DEFA4: variants seen among roughly 807,000 people sequenced by gnomAD.
DEFA4 encodes the protein defensin alpha 4, also known as corticostatin.
DEFA4 carries 8 observed loss-of-function variants against 4.4 expected under a neutral mutation model. The observed-to-expected ratio is 1.82, with a 90% confidence interval of 1.07 to 3.29. The LOEUF (loss-of-function observed/expected upper bound fraction) is 3.29, where lower values mean the gene tolerates loss of function less well. Ranked by LOEUF, DEFA4 falls within the 30% of genes most tolerant of loss-of-function variation. DEFA4 has a pLI of 0.00. For missense variants in DEFA4, 216 were observed against 127.0 expected, an observed-to-expected ratio of 1.70 and a Z score of -3.37; for synonymous variants, 77 against 46.5, an observed-to-expected ratio of 1.66 and a Z score of -2.67.
intron 1 of DEFA4, among the ~76,000 whole-genome samples, chr8:6,937,436 C>G (rs973864584): frequency 6.6e-6 from 1 of 152,008 alleles, no homozygotes; most frequent in Admixed American, 6.6e-5. Context: ...TGAGTAGTCT[C>G]CTGTAGGGGC....
At chr8:6,936,399 C>A (rs543812629) in intron 2 of DEFA4, among the ~76,000 whole-genome samples, 1 of 152,190 alleles carries the variant, frequency 6.6e-6, no homozygotes, top group East Asian at 1.9e-4. Context: ...TTAAGCCCAT[C>A]TCCAGTTTTT....
rs781063548 is a variant in DEFA4, at chr8:6,936,932, G to C, written c.-12-21C>G. ...GTGACCTGGAGGAGGGAGAGCAGGAGCAGCTGTGTGGGGAGGGAGAAGCCA... is the reference window on the plus strand; with the variant it reads ...GTGACCTGGAGGAGGGAGAGCAGGACCAGCTGTGTGGGGAGGGAGAAGCCA... On this transcript the variant is annotated intron_variant, in intron 1 of 2. Coordinates refer to ENST00000297435, the MANE Select transcript of DEFA4 (RefSeq NM_001925.3). The C allele has an allele frequency of 9.1e-6, 14 of 1,534,434 alleles. No homozygotes were observed. The East Asian group carries it at 3.1e-4, about 34-fold the overall frequency.
chr8:6,936,017 A>C lies in DEFA4; in HGVS notation c.*3T>G. 6.2e-7 allele frequency: 1 copy of C among 1,613,822 alleles called. No homozygotes were observed. Among genetic ancestry groups the C allele is most frequent in the Non-Finnish European group, 8.5e-7 (1 of 1,179,836 alleles). ...GCATGACATTCTCTTGGACAGCAGAACGTTAATCGACACGCGTGCAGCAGT... is the reference window on the plus strand; with the variant it reads ...GCATGACATTCTCTTGGACAGCAGACCGTTAATCGACACGCGTGCAGCAGT... On this transcript the variant is annotated 3_prime_UTR_variant, in exon 3 of 3. Transcript: ENST00000297435.
At position 6,936,922 on chromosome 8, in the gene DEFA4, G is replaced by A. The variant is rs778008523; in HGVS notation, c.-12-11C>T. The stretch of plus-strand genomic sequence containing the variant: ...CATGGCTGGGGTGACCTGGAGGAGG[G>A]AGAGCAGGAGCAGCTGTGTGGGGAG... On this transcript the variant is annotated splice_polypyrimidine_tract_variant and intron_variant, in intron 1 of 2. Transcript: ENST00000297435. 1.3e-5 allele frequency: 20 copies of A among 1,558,858 alleles called. No homozygotes were observed. The highest frequency in any genetic ancestry group is 1.8e-5 in the Admixed American group (1 of 54,680).
At chr8:6,936,965 T>C in intron 1 of DEFA4, 54 bp from the exon 2 acceptor site, 1 of 1,394,566 alleles carries the variant, frequency 7.2e-7, no homozygotes, top group Non-Finnish European at 9.5e-7. Context: ...CCAGCTTGGA[T>C]TTATAGCTTT....
chr8:6,936,264 C>A (rs983948418), intron 2 of DEFA4, 123 bp from the exon 3 acceptor site: 1 of 1,242,634 alleles, frequency 8.0e-7, no homozygotes, highest in African/African-American at 1.5e-5. Flanking sequence ...GCCGGTAGCA[C>A]AAACAACCTT....
At chr8:6,937,853 A>G (rs1808928242) in intron 1 of DEFA4, among the ~76,000 whole-genome samples, 1 of 152,170 alleles carries the variant, frequency 6.6e-6, no homozygotes, top group Non-Finnish European at 1.5e-5. Flanking sequence ...TACGTGGTAG[A>G]AGGGGTAAAT....
In DEFA4 at chr8:6,938,271, C is replaced by T. The variant is rs780140323; in HGVS notation, c.-58G>A. The T allele has an allele frequency of 6.6e-6, 1 of 152,198 alleles. No homozygotes were observed. The highest frequency in any genetic ancestry group is 1.5e-5 in the Non-Finnish European group (1 of 68,060). The allele number at this position is 152,198 out of a possible 1,614,324, so 9.4% of individuals were successfully genotyped here. On this transcript the variant is annotated 5_prime_UTR_variant, in exon 1 of 3. Coordinates refer to ENST00000297435, the MANE Select transcript of DEFA4 (RefSeq NM_001925.3). ...GCGAGCAGAGAGGGCAGACAGCAGT[C>T]CTGTGTTCCAGGTCTTATGTAGCAA...
chr8:6,936,259 T>A, intron 2 of DEFA4, 118 bp from the exon 3 acceptor site: 2 of 1,318,622 alleles, frequency 1.5e-6, no homozygotes, highest in Non-Finnish European at 2.1e-6. Flanking sequence ...TTAGTGCCGG[T>A]AGCACAAACA....
chr8:6,936,070 A>C lies in DEFA4; in HGVS notation c.244T>G (p.Cys82Gly). 1 of 1,614,032 alleles carries C rather than the reference A, an allele frequency of 6.2e-7. No homozygotes were observed. The highest frequency in any genetic ancestry group is 8.5e-7 in the Non-Finnish European group (1 of 1,179,994). ...GTGAAACTCACACCACCAATGAGGC[A>C]GTTCCCAACACGAAGTTCTGTTCGC... ...CRRTELRVGNCLIGGVSFTYC... is the reference protein window; with the variant it reads ...CRRTELRVGNGLIGGVSFTYC... The change falls in exon 3 of 3, where the codon TGC becomes GGC. Residue 82 changes from cysteine to glycine, a missense_variant. By Grantham distance (159) the Cys-to-Gly change is radical. Transcript: ENST00000297435.
At chr8:6,936,678 C>A (rs755789935) in intron 2 of DEFA4, 50 bp downstream of exon 2, 2 of 1,490,604 alleles carry the variant, frequency 1.3e-6, no homozygotes, top group Admixed American at 4.2e-5. Flanking sequence ...GAGCCCATCT[C>A]CCATCCGTCT....
At chr8:6,938,042 T>A (rs1563442452) in intron 1 of DEFA4, among the ~76,000 whole-genome samples, 184 bp downstream of exon 1, 6 of 152,024 alleles carry the variant, frequency 3.9e-5, no homozygotes, top group Admixed American at 3.9e-4. Flanking sequence ...ACTTTTTGAG[T>A]TTCTCTATTG....
intron 1 of DEFA4, among the ~76,000 whole-genome samples, chr8:6,937,328 C>T (rs1321197010): frequency 6.6e-6 from 1 of 152,108 alleles, no homozygotes; most frequent in African/African-American, 2.4e-5. Context: ...CAGGTCTAAA[C>T]ACTGGTGCCA....
rs193101291 is a variant in DEFA4 at position 6,937,791 on chromosome 8, T to C, written c.-13+435A>G. On this transcript the variant is annotated intron_variant, in intron 1 of 2. Transcript: ENST00000297435. ...AGCATCTTCATAGCAAAGGAAACAA[T>C]CAACTGAGGGAAACGGCAACCCAGA... Among the ~76,000 whole-genome samples, 4 of 152,054 alleles carry C rather than the reference T, an allele frequency of 2.6e-5. No homozygotes were observed. The East Asian group carries it at 7.7e-4, about 29-fold the overall frequency.
At chr8:6,936,987 G>T in intron 1 of DEFA4, 76 bp from the exon 2 acceptor site, 2 of 1,293,440 alleles carry the variant, frequency 1.5e-6, no homozygotes, top group Non-Finnish European at 2.0e-6. Flanking sequence ...CTGGGAGAAG[G>T]CACAGAGATA....
chr8:6,936,940 G>C (rs1397508924), intron 1 of DEFA4, 29 bp from the exon 2 acceptor site: 1 of 1,497,286 alleles, frequency 6.7e-7, no homozygotes, highest in Non-Finnish European at 9.0e-7. Flanking sequence ...GAGCAGCTGT[G>C]TGGGGAGGGA....
At chr8:6,936,652 T>C in intron 2 of DEFA4, 76 bp downstream of exon 2, 2 of 1,407,858 alleles carry the variant, frequency 1.4e-6, no homozygotes, top group Admixed American at 2.4e-5. Context: ...ACATCCACCA[T>C]TGAGATGTGA....
chr8:6,936,226 G>T lies in DEFA4; in HGVS notation c.173-85C>A. On this transcript the variant is annotated intron_variant, in intron 2 of 2. Coordinates refer to ENST00000297435, the MANE Select transcript of DEFA4 (RefSeq NM_001925.3). ...GGAATCTTGGAGAAGTCACATGCTG[G>T]CTGACCGGTGATGCTGGCTGCATTA... 1.9e-6 allele frequency: 3 copies of T among 1,563,680 alleles called. No individual in the cohort carries two copies. The South Asian group carries it at 3.5e-5, about 18-fold the overall frequency.
chr8:6,935,914 A>C lies in DEFA4; in HGVS notation c.*106T>G. 22 of 1,494,374 alleles carry C rather than the reference A, an allele frequency of 1.5e-5. No homozygotes were observed. The highest frequency in any genetic ancestry group is 1.9e-5 in the Non-Finnish European group (21 of 1,078,046). The allele number at this position is 1,494,374 out of a possible 1,614,324, so 92.6% of individuals were successfully genotyped here. A position where few individuals can be genotyped will look rare whatever the true frequency, so the allele number is the denominator to read the frequency against. ...TTTCCTGTAGCTCTCAAAGCAAATT[A>C]TGAGCTCATTTTTCTCTATTCTGCA... is the stretch of plus-strand genomic sequence containing the variant. On this transcript the variant is annotated 3_prime_UTR_variant, in exon 3 of 3. Coordinates refer to ENST00000297435, the MANE Select transcript of DEFA4 (RefSeq NM_001925.3).
Sources: gnomAD v4.1 joint callset for allele counts (sites outside exome capture counted in the v4.1 genomes callset) on GRCh38, gnomAD v4.1.1 for gene constraint, MANE v1.5 for transcripts, NCBI Gene and HGNC (gene_info 2026-07-23, HGNC 2026-07-21) for gene names.